Variants in CNTN3 observed in about 807,000 individuals in gnomAD.
CNTN3 encodes contactin 3, also known as contactin-3.
A neutral mutation model predicts 119.1 loss-of-function variants in CNTN3; 60 were observed. The ratio of observed to expected loss-of-function variants is 0.50; its 90% CI spans 0.41 to 0.62. The LOEUF is 0.62. Ranked by LOEUF, CNTN3 falls within the 20% of genes least tolerant of loss-of-function variation. The pLI is 0.00. For synonymous variants in CNTN3, 450 were observed against 438.7 expected, an observed-to-expected ratio of 1.03 and a Z score of -0.32; for missense variants, 1,101 against 1,242.4, an observed-to-expected ratio of 0.89 and a Z score of 1.71.
At chr3:74,594,433 T>C (rs1218631823) in intron 1 of CNTN3, among the ~76,000 whole-genome samples, 1 of 151,804 alleles carries the variant, frequency 6.6e-6, no homozygotes, top group African/African-American at 2.4e-5. Context: ...CCTAATGCTA[T>C]CCCTCCCCTC....
intron 11 of CNTN3, among the ~76,000 whole-genome samples, chr3:74,346,224 A>G (rs1193289357): frequency 3.9e-5 from 6 of 152,142 alleles, no homozygotes; most frequent in Admixed American, 3.9e-4. Flanking sequence ...AAATACTACT[A>G]TTTTCTTAAG....
At chr3:74,354,297 T>A (rs1361318768) in intron 11 of CNTN3, among the ~76,000 whole-genome samples, 1 of 152,116 alleles carries the variant, frequency 6.6e-6, no homozygotes, top group Non-Finnish European at 1.5e-5. Flanking sequence ...GTTATTGCAA[T>A]AAAATATTTA....
intron 1 of CNTN3, among the ~76,000 whole-genome samples, chr3:74,587,976 C>A (rs1181599968): frequency 6.6e-6 from 1 of 152,000 alleles, no homozygotes; most frequent in Non-Finnish European, 1.5e-5. Context: ...CCCATCAATA[C>A]CTAATTTATT....
chr3:74,526,773 T>C (rs1703625775), intron 1 of CNTN3, among the ~76,000 whole-genome samples: 1 of 151,870 alleles, frequency 6.6e-6, no homozygotes, highest in Non-Finnish European at 1.5e-5. Flanking sequence ...AGTCATCCCA[T>C]GCTCCCATGA....
chr3:74,537,474 A>G (rs1039047286), intron 1 of CNTN3, among the ~76,000 whole-genome samples: 1 of 152,156 alleles, frequency 6.6e-6, no homozygotes, highest in Non-Finnish European at 1.5e-5. Flanking sequence ...TTGTCAATGC[A>G]TTTGGGAACC....
At chr3:74,539,286 T>C (rs975592142) in intron 1 of CNTN3, among the ~76,000 whole-genome samples, 1 of 152,150 alleles carries the variant, frequency 6.6e-6, no homozygotes, top group Non-Finnish European at 1.5e-5. Flanking sequence ...TGCTAAGAAA[T>C]GTTTCTTTTT....
chr3:74,349,209 G>C (rs1434429521), intron 11 of CNTN3, among the ~76,000 whole-genome samples: 2 of 152,276 alleles, frequency 1.3e-5, no homozygotes, highest in East Asian at 3.9e-4. Flanking sequence ...GTACAGAGCA[G>C]AGGCTTAGAG....
intron 11 of CNTN3, among the ~76,000 whole-genome samples, chr3:74,346,327 G>C (rs1259667596): frequency 6.6e-6 from 1 of 151,848 alleles, no homozygotes; most frequent in African/African-American, 2.4e-5. Context: ...AATGTAAAAG[G>C]TTAGAAAATA....
At chr3:74,393,798 C>A (rs950974731) in intron 5 of CNTN3, among the ~76,000 whole-genome samples, 15 of 152,198 alleles carry the variant, frequency 9.9e-5, no homozygotes, top group Non-Finnish European at 2.2e-4. Flanking sequence ...TTTGCAGAAT[C>A]TTTTAATGTT....
chr3:74,575,082 C>T (rs778983909), intron 1 of CNTN3, among the ~76,000 whole-genome samples: 26 of 151,912 alleles, frequency 1.7e-4, no homozygotes, highest in Middle Eastern at 3.2e-3. Context: ...TGCCACCCTG[C>T]CTCATTTATT....
At chr3:74,339,823 G>A (rs972164210) in intron 11 of CNTN3, among the ~76,000 whole-genome samples, 1 of 151,830 alleles carries the variant, frequency 6.6e-6, no homozygotes, top group Non-Finnish European at 1.5e-5. Flanking sequence ...TAAATAATAA[G>A]CAAATAGATT....
intron 11 of CNTN3, among the ~76,000 whole-genome samples, chr3:74,343,109 T>C (rs1703587927): frequency 6.6e-6 from 1 of 152,152 alleles, no homozygotes; most frequent in Admixed American, 6.5e-5. Flanking sequence ...AAAATAAAAA[T>C]GTCGGCTTTA....
chr3:74,343,995 C>T (rs185282016), intron 11 of CNTN3, among the ~76,000 whole-genome samples: 27 of 152,322 alleles, frequency 1.8e-4, no homozygotes, highest in African/African-American at 6.3e-4. Flanking sequence ...GCTCCAACAA[C>T]ATGGTACAAT....
At chr3:74,303,689 C>T (rs1417349770) in intron 13 of CNTN3, among the ~76,000 whole-genome samples, 2 of 152,178 alleles carry the variant, frequency 1.3e-5, no homozygotes, top group African/African-American at 4.8e-5. Context: ...ACAGGCAAGA[C>T]TCTGTCTCCG....
At chr3:74,454,360 C>T (rs1248941873) in intron 4 of CNTN3, among the ~76,000 whole-genome samples, 5 of 144,216 alleles carry the variant, frequency 3.5e-5, no homozygotes, top group Admixed American at 1.4e-4. Flanking sequence ...TTTCCATTTG[C>T]TTGGTAGATC....
At chr3:74,439,367 C>T (rs979714196) in intron 4 of CNTN3, among the ~76,000 whole-genome samples, 6 of 151,046 alleles carry the variant, frequency 4.0e-5, no homozygotes, top group African/African-American at 7.3e-5. Flanking sequence ...ATTAGCCAGG[C>T]GTGGTGGCAC....
chr3:74,356,597 T>C (rs1331142996), intron 11 of CNTN3, among the ~76,000 whole-genome samples: 3 of 152,220 alleles, frequency 2.0e-5, no homozygotes, highest in Non-Finnish European at 2.9e-5. Context: ...AAATAATAAA[T>C]ACCTAGTGCC....
At chr3:74,314,733 A>T (rs1702787097) in intron 13 of CNTN3, among the ~76,000 whole-genome samples, 1 of 152,220 alleles carries the variant, frequency 6.6e-6, no homozygotes, top group South Asian at 2.1e-4. Flanking sequence ...TCAAGAATGA[A>T]CAGATCCAAC....
intron 1 of CNTN3, among the ~76,000 whole-genome samples, chr3:74,577,457 T>G (rs1415806474): frequency 1.3e-5 from 2 of 152,164 alleles, no homozygotes; most frequent in African/African-American, 4.8e-5. Context: ...AGTACGTGTA[T>G]GTTACTGAAA....
Sources: allele counts gnomAD v4.1 joint callset (sites outside exome capture counted in the v4.1 genomes callset), GRCh38; gene constraint gnomAD v4.1.1; transcripts MANE v1.5; gene names NCBI Gene and HGNC (gene_info 2026-07-23, HGNC 2026-07-21).